Variants in MDGA2 observed in about 807,000 individuals in gnomAD.
MDGA2 encodes the protein MAM domain containing glycosylphosphatidylinositol anchor 2.
MDGA2 carries 40 observed loss-of-function variants against 117.8 expected under a neutral mutation model. The ratio of observed to expected loss-of-function variants is 0.34; its 90% confidence interval spans 0.26 to 0.44. MDGA2 has a LOEUF of 0.44. MDGA2 is among the 20% of genes least tolerant of loss of function. MDGA2 has a pLI of 1.00. For missense variants in MDGA2, 1,123 were observed against 1,250.6 expected, an observed-to-expected ratio of 0.90 and a Z score of 1.54; for synonymous variants, 452 against 439.0, an observed-to-expected ratio of 1.03 and a Z score of -0.37.
chr14:47,569,982 A>G (rs1359151322), intron 1 of MDGA2, among the ~76,000 whole-genome samples: 1 of 152,198 alleles, frequency 6.6e-6, no homozygotes, highest in Non-Finnish European at 1.5e-5. Flanking sequence ...AGGCAAAATA[A>G]ATCTTCATTG....
intron 5 of MDGA2, among the ~76,000 whole-genome samples, chr14:47,128,612 T>C (rs1206203281): frequency 6.6e-6 from 1 of 152,120 alleles, no homozygotes; most frequent in Admixed American, 6.6e-5. Context: ...TTCCCCTTTT[T>C]TAAGTCAGAT....
intron 10 of MDGA2, among the ~76,000 whole-genome samples, chr14:46,918,928 AT>A (rs555104426): frequency 6.6e-5 from 10 of 151,730 alleles, no homozygotes; most frequent in South Asian, 2.1e-4. Flanking sequence ...TGCCCGGCTA[AT>A]TTTTTTGTAT....
Position 47,079,727 on chromosome 14 carries a change from A to ATTTTTTTTTTTTTTTTTTTTTTTTTTTT in MDGA2, c.1195+17126_1195+17127insAAAAAAAAAAAAAAAAAAAAAAAAAAAA, listed in dbSNP as rs35801678. Among the ~76,000 whole-genome samples, 10 of 80,072 alleles carry ATTTTTTTTTTTTTTTTTTTTTTTTTTTT rather than the reference A, an allele frequency of 1.2e-4. 3 individuals are homozygous for ATTTTTTTTTTTTTTTTTTTTTTTTTTTT. The highest frequency in any genetic ancestry group is 5.7e-4 in the African/African-American group (10 of 17,520). The allele number at this position is 80,072 out of a possible 152,430, so 52.5% of individuals were successfully genotyped here. A position where few individuals can be genotyped will look rare whatever the true frequency, so the allele number is the denominator to read the frequency against. On this transcript the variant is annotated intron_variant, in intron 6 of 16. Coordinates refer to ENST00000399232, the MANE Select transcript of MDGA2 (RefSeq NM_001113498.3). ...ATTTGTTTCAGCCGATTTTCTACTA[A>ATTTTTTTTTTTTTTTTTTTTTTTTTTTT]TTTTTTTTTTTTTTTTTTTTTTGAG...
intron 1 of MDGA2, among the ~76,000 whole-genome samples, chr14:47,376,077 T>C (rs1891472064): frequency 6.6e-6 from 1 of 152,180 alleles, no homozygotes; most frequent in African/African-American, 2.4e-5. Context: ...CTATAAACAA[T>C]ATTTTGTAGC....
intron 1 of MDGA2, among the ~76,000 whole-genome samples, chr14:47,660,029 G>A (rs757498241): frequency 6.6e-6 from 1 of 151,974 alleles, no homozygotes; most frequent in South Asian, 2.1e-4. Flanking sequence ...CACAAAATCA[G>A]TGCTTCTCCA....
intron 15 of MDGA2, among the ~76,000 whole-genome samples, chr14:46,846,495 G>A (rs1412801197): frequency 2.0e-5 from 3 of 151,916 alleles, no homozygotes; most frequent in African/African-American, 2.4e-5. Flanking sequence ...AATATCTCAC[G>A]GTATACCTTT....
chr14:47,553,207 C>T (rs574763351), intron 1 of MDGA2, among the ~76,000 whole-genome samples: 1 of 152,338 alleles, frequency 6.6e-6, no homozygotes, highest in East Asian at 1.9e-4. Context: ...TTATCATTAT[C>T]TAACTCTCCC....
At chr14:47,213,890 G>A (rs1287326536) in intron 3 of MDGA2, among the ~76,000 whole-genome samples, 2 of 152,244 alleles carry the variant, frequency 1.3e-5, no homozygotes, top group East Asian at 1.9e-4. Context: ...TACAATCACA[G>A]CGGAAGGCAA....
In MDGA2 at chr14:47,165,867, C is replaced by T. The variant is rs186435441; in HGVS notation, c.596-21593G>A. ...TGTCCCAAACTAATCTCTTACATACCGATAGGCAGAATAAAAACACACATT... is the reference window on the plus strand; with the variant it reads ...TGTCCCAAACTAATCTCTTACATACTGATAGGCAGAATAAAAACACACATT... On this transcript the variant is annotated intron_variant, in intron 3 of 16. Coordinates refer to ENST00000399232, the MANE Select transcript of MDGA2 (RefSeq NM_001113498.3). 7.9e-5 allele frequency among the ~76,000 whole-genome samples: 12 copies of T among 152,004 alleles called. No homozygotes were observed. In the East Asian group the frequency reaches 1.9e-3, roughly 25 times the overall value.
intron 1 of MDGA2, among the ~76,000 whole-genome samples, chr14:47,509,606 C>T (rs1469496343): frequency 6.6e-6 from 1 of 152,138 alleles, no homozygotes; most frequent in Non-Finnish European, 1.5e-5. Context: ...GCCTTCCTAC[C>T]AAGCCATGTG....
rs1403291867 is a variant in MDGA2 at position 46,884,798 on chromosome 14, AG to A, written c.2239-2578del. Among the ~76,000 whole-genome samples the A allele has an allele frequency of 6.6e-6, 1 of 152,108 alleles. No individual in the cohort carries two copies. The highest frequency in any genetic ancestry group is 2.4e-5 in the African/African-American group (1 of 41,430). On this transcript the variant is annotated intron_variant, in intron 10 of 16. Coordinates refer to ENST00000399232, the MANE Select transcript of MDGA2 (RefSeq NM_001113498.3). The surrounding 1 kb of genome is among the most constrained non-coding windows in gnomAD (Gnocchi z 4.1). Reference sequence around the variant, plus strand: ...TTAAAACATACAATTTAAATCAGTTAGGAAAAATACAGAAAAAATGTTATTA... The same window carrying A: ...TTAAAACATACAATTTAAATCAGTTAGAAAAATACAGAAAAAATGTTATTA...
chr14:47,062,797 G>A (rs1474761298), intron 6 of MDGA2, among the ~76,000 whole-genome samples: 6 of 152,002 alleles, frequency 3.9e-5, no homozygotes, highest in Admixed American at 3.9e-4. Flanking sequence ...ATAGAATCAT[G>A]CAGAATGAAC....
At chr14:46,847,470 A>T (rs1007246000) in intron 15 of MDGA2, among the ~76,000 whole-genome samples, 1 of 152,198 alleles carries the variant, frequency 6.6e-6, no homozygotes, top group Non-Finnish European at 1.5e-5. Context: ...GATAGAATTT[A>T]CAATGAAGTA....
chr14:47,561,512 T>G (rs1378328669), intron 1 of MDGA2, among the ~76,000 whole-genome samples: 3 of 152,178 alleles, frequency 2.0e-5, no homozygotes, highest in African/African-American at 7.2e-5. Context: ...ATTACATTCT[T>G]GATTTGGCTC....
intron 3 of MDGA2, among the ~76,000 whole-genome samples, chr14:47,180,194 C>A (rs1372225944): frequency 6.6e-6 from 1 of 152,128 alleles, no homozygotes; most frequent in Non-Finnish European, 1.5e-5. Flanking sequence ...CACCCTCTGG[C>A]CTCTGTTAGG....
intron 9 of MDGA2, among the ~76,000 whole-genome samples, chr14:46,952,656 G>A (rs995536541): frequency 2.0e-5 from 3 of 151,666 alleles, no homozygotes; most frequent in African/African-American, 7.3e-5. Flanking sequence ...CATAACCCTG[G>A]TAAAGTCATA....
At chr14:47,088,802 T>C (rs1358833233) in intron 6 of MDGA2, among the ~76,000 whole-genome samples, 1 of 152,204 alleles carries the variant, frequency 6.6e-6, no homozygotes, top group Non-Finnish European at 1.5e-5. Flanking sequence ...CCCACTGATA[T>C]CTTCCAGTAA....
At chr14:47,345,485 A>C (rs986717532) in intron 1 of MDGA2, among the ~76,000 whole-genome samples, 33 of 152,118 alleles carry the variant, frequency 2.2e-4, no homozygotes, top group African/African-American at 8.0e-4. Context: ...ATGAAGAAAA[A>C]AATGAACTCA....
At chr14:47,530,512 G>T (rs1895075299) in intron 1 of MDGA2, among the ~76,000 whole-genome samples, 1 of 152,152 alleles carries the variant, frequency 6.6e-6, no homozygotes, top group Non-Finnish European at 1.5e-5. Context: ...TTATGCTAAA[G>T]AATTACTTCA....
Sources: allele counts gnomAD v4.1 joint callset (sites outside exome capture counted in the v4.1 genomes callset), GRCh38; gene constraint gnomAD v4.1.1; non-coding constraint Gnocchi (gnomAD v3.1); transcripts MANE v1.5; gene names NCBI Gene and HGNC (gene_info 2026-07-23, HGNC 2026-07-21).